Variants in LIPJ observed in about 807,000 individuals in gnomAD.
LIPJ encodes the protein lipase family member J, also known as lipase member J.
A neutral mutation model predicts 39.8 loss-of-function variants in LIPJ; 33 were observed. The ratio of observed to expected loss-of-function variants is 0.83; its 90% confidence interval spans 0.63 to 1.11. The LOEUF (loss-of-function observed/expected upper bound fraction) is 1.11. LIPJ is among the 50% of genes least tolerant of loss of function. LIPJ has a pLI of 0.00. For missense variants in LIPJ, 422 were observed against 427.9 expected, an observed-to-expected ratio of 0.99 and a Z score of 0.12; for synonymous variants, 128 against 139.2, an observed-to-expected ratio of 0.92 and a Z score of 0.57.
chr10:88,602,747 T>G, intron 9 of LIPJ, 100 bp downstream of exon 9: 1 of 592,076 alleles, frequency 1.7e-6, no homozygotes, highest in South Asian at 3.1e-5. Flanking sequence ...AGTAATAAAT[T>G]TATAAGGATA....
At chr10:88,589,954 A>G (rs1359300498) in intron 2 of LIPJ, among the ~76,000 whole-genome samples, 1 of 151,688 alleles carries the variant, frequency 6.6e-6, no homozygotes, top group African/African-American at 2.4e-5. Flanking sequence ...CCTTCTGAGT[A>G]TAGTGGTTGG....
At chr10:88,623,077 T>C in the LIPJ span, among the ~76,000 whole-genome samples, 41 of 152,352 alleles carry the variant, frequency 2.7e-4, no homozygotes, top group Non-Finnish European at 5.0e-4. Context: ...AAGTGTCCAA[T>C]GTGGCTCTTC....
upstream of LIPJ, chr10:88,583,270 C>T (rs1315343475): frequency 6.4e-7 from 1 of 1,572,710 alleles, no homozygotes; most frequent in African/African-American, 1.4e-5. Flanking sequence ...GCGGCCGAAC[C>T]GGCGCTAGCG....
the LIPJ span, among the ~76,000 whole-genome samples, chr10:88,617,488 T>G: frequency 6.6e-5 from 10 of 152,250 alleles, no homozygotes; most frequent in East Asian, 1.9e-3. Context: ...CATTCTGCAA[T>G]GGTCCAGAAA....
intron 2 of LIPJ, among the ~76,000 whole-genome samples, chr10:88,588,289 G>A (rs1397370395): frequency 6.6e-6 from 1 of 151,680 alleles, no homozygotes; most frequent in African/African-American, 2.4e-5. Context: ...TCCAAGTTAA[G>A]TATATTTAAA....
chr10:88,591,431 C>T (rs767419748), exon 4 of LIPJ: 42 of 1,601,002 alleles, frequency 2.6e-5, no homozygotes, highest in Admixed American at 1.7e-4. Flanking sequence ...ATATTGTAAC[C>T]GAAGATGGTT....
chr10:88,604,665 T>C (rs1386709389), intron 9 of LIPJ, among the ~76,000 whole-genome samples: 5 of 152,156 alleles, frequency 3.3e-5, no homozygotes, highest in Non-Finnish European at 7.4e-5. Context: ...AAAGGTAATA[T>C]TGCCATTAAA....
At chr10:88,609,683 G>A (rs1010255998), downstream of LIPJ, among the ~76,000 whole-genome samples, 4 of 152,158 alleles carry the variant, frequency 2.6e-5, no homozygotes, top group South Asian at 4.1e-4. Context: ...GGTGGATCAC[G>A]AGGTCAAGAG....
the LIPJ span, among the ~76,000 whole-genome samples, chr10:88,620,857 T>C: frequency 6.6e-6 from 1 of 152,194 alleles, no homozygotes; most frequent in African/African-American, 2.4e-5. Flanking sequence ...TTCTAGAGGC[T>C]GGGAAGTCCA....
the LIPJ span, among the ~76,000 whole-genome samples, chr10:88,616,148 A>G: frequency 1.3e-5 from 2 of 152,364 alleles, no homozygotes; most frequent in East Asian, 3.9e-4. Context: ...CAGTGATTAA[A>G]CAGCTAATGC....
upstream of LIPJ, among the ~76,000 whole-genome samples, chr10:88,585,192 G>C (rs2134530852): frequency 6.6e-6 from 1 of 152,278 alleles, no homozygotes; most frequent in South Asian, 2.1e-4. Context: ...CTAAGTTCAA[G>C]TGAGTTTGCC....
intron 3 of LIPJ, among the ~76,000 whole-genome samples, chr10:88,590,998 G>GATATACACATAGAC (rs1217664218): frequency 6.6e-6 from 1 of 151,530 alleles, no homozygotes; most frequent in Non-Finnish European, 1.5e-5. Context: ...TATAAGATTA[G>GATATACACATAGAC]ATATACACAT....
chr10:88,609,053 C>T (rs541767516), downstream of LIPJ, among the ~76,000 whole-genome samples: 5 of 152,288 alleles, frequency 3.3e-5, no homozygotes, highest in South Asian at 2.1e-4. Context: ...CCTGCTCCCC[C>T]CTGTGGAGTA....
At chr10:88,613,453 A>G in the LIPJ span, among the ~76,000 whole-genome samples, 1 of 151,984 alleles carries the variant, frequency 6.6e-6, no homozygotes, top group Admixed American at 6.6e-5. Context: ...AAAAAAAGGT[A>G]AAAAGAGATT....
chr10:88,597,739 T>C (rs1253261058), intron 8 of LIPJ, among the ~76,000 whole-genome samples: 1 of 151,986 alleles, frequency 6.6e-6, no homozygotes, highest in Non-Finnish European at 1.5e-5. Flanking sequence ...GTTCTCGTCT[T>C]TTCCACCCAT....
chr10:88,613,749 T>G, the LIPJ span, among the ~76,000 whole-genome samples: 84 of 86,386 alleles, frequency 9.7e-4, 2 homozygotes, highest in South Asian at 7.3e-3. Flanking sequence ...TCCTGATATA[T>G]ATATATATAT....
the LIPJ span, among the ~76,000 whole-genome samples, chr10:88,617,487 A>G: frequency 1.3e-5 from 2 of 152,302 alleles, no homozygotes; most frequent in East Asian, 3.9e-4. Flanking sequence ...TCATTCTGCA[A>G]TGGTCCAGAA....
chr10:88,620,948 C>T, the LIPJ span, among the ~76,000 whole-genome samples: 3 of 152,068 alleles, frequency 2.0e-5, no homozygotes, highest in African/African-American at 7.2e-5. Context: ...ACTGTGTCCT[C>T]GCATGGTGGA....
chr10:88,592,304 A>G (rs1423094849), intron 4 of LIPJ: 2 of 151,910 alleles, frequency 1.3e-5, no homozygotes, highest in Non-Finnish European at 2.9e-5. Context: ...TAGATTTTAT[A>G]TAATAATAGT....
Sources: gnomAD v4.1 joint callset for allele counts (sites outside exome capture counted in the v4.1 genomes callset) on GRCh38, gnomAD v4.1.1 for gene constraint, MANE v1.5 for transcripts, NCBI Gene and HGNC (gene_info 2026-07-23, HGNC 2026-07-21) for gene names.